CRB2: variants seen among roughly 807,000 people sequenced by gnomAD.
CRB2 encodes the protein protein crumbs homolog 2.
In CRB2, 85 loss-of-function variants were observed where a neutral mutation model predicts 110.9. The ratio of observed to expected loss-of-function variants is 0.77; its 90% CI spans 0.64 to 0.92. CRB2 has a LOEUF of 0.92. Ranked by LOEUF, CRB2 falls within the 40% of genes least tolerant of loss-of-function variation. The probability of loss-of-function intolerance (pLI) is 0.00; values close to 1 mark genes in which losing one functional copy is unlikely to be tolerated. For synonymous variants in CRB2, 907 were observed against 831.0 expected (o/e 1.09, Z -1.57); for missense variants, 1,843 against 1,851.3 (o/e 1.00, Z 0.08).
At chr9:123,375,478 C>G in intron 12 of CRB2, 135 bp downstream of exon 12, 1 of 1,067,728 alleles carries the variant, frequency 9.4e-7, no homozygotes, top group Non-Finnish European at 1.3e-6. Flanking sequence ...TGAGAGGAGC[C>G]TCAGGTCCCT....
intron 2 of CRB2, among the ~76,000 whole-genome samples, 160 bp downstream of exon 2, chr9:123,363,348 AT>A (rs1416037896): frequency 1.3e-5 from 2 of 152,164 alleles, no homozygotes; most frequent in Non-Finnish European, 2.9e-5. Flanking sequence ...TACAGAACTG[AT>A]GCCTGGCAGC....
chr9:123,373,916 T>A lies in CRB2; in HGVS notation c.3385T>A (p.Cys1129Ser), dbSNP rs773704775. Residue 1129 changes from cysteine (C) to serine (S), a missense_variant, in exon 10 of 13, where the codon TGC (cysteine) becomes AGC (serine). Transcript: ENST00000373631. ...RCPPGFGGPR[C>S]RLPVPSKECS... is the part of the protein sequence containing the mutation. Reference sequence around the variant, plus strand: ...CCCGCCTGGCTTCGGGGGCCCGCGCTGCAGGTGGGATGGCTGGGCAGGGGG... The same window carrying A: ...CCCGCCTGGCTTCGGGGGCCCGCGCAGCAGGTGGGATGGCTGGGCAGGGGG... 1.1e-5 allele frequency: 17 copies of A among 1,549,920 alleles called. No homozygotes were observed. The South Asian group carries it at 2.0e-4, about 18-fold the overall frequency.
chr9:123,356,116 G>C, upstream of CRB2: 1 of 509,720 alleles, frequency 2.0e-6, no homozygotes, highest in Non-Finnish European at 3.4e-6. Flanking sequence ...TGGGTGGGAG[G>C]AGGAGGCGGT....
Position 123,370,866 on chromosome 9 carries a change from C to T in CRB2, c.1813C>T (p.Arg605Cys), listed in dbSNP as rs778681490. 1.3e-5 allele frequency: 21 copies of T among 1,610,184 alleles called. No individual in the cohort carries two copies. The highest frequency in any genetic ancestry group is 2.2e-5 in the South Asian group (2 of 91,070). ...TGAGAACGTCCTCCTGGGCTGTGAG[C>T]GCCGAGAGCAGTGCCGGCCTCTGCC... The part of the protein sequence containing the change: ...LGENVLLGCE[R>C]REQCRPLPCV... The change falls in exon 7 of 13, where the codon CGC becomes TGC. Residue 605 changes from arginine to cysteine, a missense_variant. By Grantham distance (180) the Arg-to-Cys change is radical. Coordinates refer to ENST00000373631, the MANE Select transcript of CRB2 (RefSeq NM_173689.7).
intron 6 of CRB2, chr9:123,368,947 G>A: frequency 8.1e-7 from 1 of 1,236,946 alleles, no homozygotes; most frequent in Non-Finnish European, 1.0e-6. Context: ...CTCCTGGCAG[G>A]TATGGAGGAA....
At chr9:123,362,360 C>T (rs1588205545) in intron 1 of CRB2, among the ~76,000 whole-genome samples, 3 of 152,170 alleles carry the variant, frequency 2.0e-5, no homozygotes, top group East Asian at 3.9e-4. Flanking sequence ...ATGGATGGGG[C>T]CTGCAGGAGG....
chr9:123,371,008 G>A lies in CRB2; in HGVS notation c.1927+28G>A. ...GAGGAATAAGCCAGGTGGGAAGGCA[G>A]CACCTGAGATCTGCCTCCCTCAGCC... is the stretch of plus-strand genomic sequence containing the variant. On this transcript the variant is annotated intron_variant, in intron 7 of 12. Transcript: ENST00000373631. 4 of 1,595,148 alleles carry A rather than the reference G, an allele frequency of 2.5e-6. No homozygotes were observed. In the South Asian group the frequency reaches 3.4e-5, roughly 14 times the overall value.
chr9:123,370,065 T>C, intron 6 of CRB2, 43 bp from the exon 7 acceptor site: 1 of 1,545,394 alleles, frequency 6.5e-7, no homozygotes, highest in Non-Finnish European at 8.7e-7. Context: ...ACTGTGATTC[T>C]GGCCCCAGAC....
upstream of CRB2, among the ~76,000 whole-genome samples, chr9:123,354,490 T>C (rs1370226069): frequency 2.0e-5 from 3 of 152,144 alleles, no homozygotes; most frequent in Admixed American, 2.0e-4. Context: ...ACGCCACCAT[T>C]TTACAGGTGA....
At chr9:123,375,959 C>A (rs2042096867) in intron 12 of CRB2, among the ~76,000 whole-genome samples, 1 of 152,142 alleles carries the variant, frequency 6.6e-6, no homozygotes, top group African/African-American at 2.4e-5. Flanking sequence ...GTCTGGGGAG[C>A]AGCCTTGATC....
At position 123,366,396 on chromosome 9, in the gene CRB2, G is replaced by A. The variant is rs200295767; in HGVS notation, c.754+30G>A. 35 of 1,527,632 alleles carry A rather than the reference G, an allele frequency of 2.3e-5. 1 individual carries two copies. In the East Asian group the frequency reaches 7.3e-4, roughly 32 times the overall value. The allele number at this position is 1,527,632 out of a possible 1,614,324, so 94.6% of individuals were successfully genotyped here. On this transcript the variant is annotated intron_variant, in intron 4 of 12. Coordinates refer to ENST00000373631, the MANE Select transcript of CRB2 (RefSeq NM_173689.7). ...GTGCGTGCAGGTGCGCGGCCTGGCG[G>A]GGGGAGGGGTAGGTGTGCGCCTGTG...
downstream of CRB2, chr9:123,378,805 G>GTTTTTTTTTTTTTT (rs1166539194): frequency 4.0e-5 from 4 of 100,980 alleles, no homozygotes; most frequent in South Asian, 3.4e-4. Context: ...CCTGTTTTTT[G>GTTTTTTTTTTTTTT]TTTTTTTTTT....
chr9:123,362,978 G>T lies in CRB2; in HGVS notation c.208G>T (p.Gly70Cys). The change falls in exon 2 of 13, where the codon GGC becomes TGC. Residue 70 changes from glycine (G) to cysteine (C), a missense_variant. Gly to Cys is a radical substitution (Grantham distance 159). Transcript: ENST00000373631. ...TACCTGTGGGCCCATGGAGCCCCGG[G>T]GCTGTGCCACCCAGCCATGCCACCA... ...GYTCGPMEPR[G>C]CATQPCHHGA... The T allele has an allele frequency of 6.2e-7, 1 of 1,612,220 alleles. No homozygotes were observed. Among genetic ancestry groups the T allele is most frequent in the South Asian group, 1.1e-5 (1 of 91,062 alleles).
At chr9:123,372,971 G>C (rs1033956281) in intron 9 of CRB2, among the ~76,000 whole-genome samples, 163 bp from the exon 10 acceptor site, 1 of 152,256 alleles carries the variant, frequency 6.6e-6, no homozygotes, top group Non-Finnish European at 1.5e-5. Flanking sequence ...GAGTAGAAGT[G>C]AGGGTGGTGG....
intron 1 of CRB2, among the ~76,000 whole-genome samples, chr9:123,359,516 A>G: frequency 7.0e-6 from 1 of 143,800 alleles, no homozygotes; most frequent in Non-Finnish European, 1.5e-5. Context: ...TGGCAAAATC[A>G]TAGCCCACTG....
chr9:123,366,147 G>A (rs1564371112), intron 3 of CRB2, 35 bp downstream of exon 3: 3 of 1,380,778 alleles, frequency 2.2e-6, no homozygotes, highest in Admixed American at 3.7e-5. Flanking sequence ...CAGGGGCGCC[G>A]GGTGCCCGAG....
At chr9:123,361,592 C>T (rs2041869644) in intron 1 of CRB2, among the ~76,000 whole-genome samples, 1 of 29,440 alleles carries the variant, frequency 3.4e-5, no homozygotes, top group Non-Finnish European at 6.6e-5. Flanking sequence ...GGAGGGGCAC[C>T]TTTGGGAGCT....
At chr9:123,356,467 C>T in intron 1 of CRB2, 113 bp downstream of exon 1, 2 of 770,676 alleles carry the variant, frequency 2.6e-6, no homozygotes, top group Non-Finnish European at 3.9e-6. Context: ...TGGGTGCAGG[C>T]CTGAGCTGTG....
chr9:123,377,114 T>C lies in CRB2; in HGVS notation c.*52T>C, dbSNP rs2042115154. The C allele has an allele frequency of 6.9e-7, 1 of 1,441,680 alleles. No individual in the cohort carries two copies. The highest frequency in any genetic ancestry group is 9.2e-7 in the Non-Finnish European group (1 of 1,082,436). The allele number at this position is 1,441,680 out of a possible 1,614,324, so 89.3% of individuals were successfully genotyped here. On this transcript the variant is annotated 3_prime_UTR_variant, in exon 13 of 13. Coordinates refer to ENST00000373631, the MANE Select transcript of CRB2 (RefSeq NM_173689.7). ...CTGGAGGTCCTGAATGGTTTCTACC[T>C]GGAGACCCAAGGAAGCTGCTTCCAG...
Sources: allele counts gnomAD v4.1 joint callset (sites outside exome capture counted in the v4.1 genomes callset), GRCh38; gene constraint gnomAD v4.1.1; transcripts MANE v1.5; gene names NCBI Gene and HGNC (gene_info 2026-07-23, HGNC 2026-07-21).